WASF1: variants seen among roughly 807,000 people sequenced by gnomAD.
WASF1 encodes the protein WASP family member 1.
In WASF1, 7 loss-of-function variants were observed where a neutral mutation model predicts 50.5. That is an observed-to-expected ratio of 0.14 (90% CI 0.08 to 0.26). The LOEUF is 0.26. Ranked by LOEUF, WASF1 falls within the 10% of genes least tolerant of loss-of-function variation. The pLI, the probability that WASF1 is intolerant of heterozygous loss-of-function variation, is 1.00. For synonymous variants in WASF1, 205 were observed against 244.0 expected, an observed-to-expected ratio of 0.84 and a Z score of 1.49; for missense variants, 470 against 694.7, an observed-to-expected ratio of 0.68 and a Z score of 3.64.
chr6:110,149,203 T>TC (rs746336283), intron 3 of WASF1, among the ~76,000 whole-genome samples: 25 of 152,210 alleles, frequency 1.6e-4, no homozygotes, highest in South Asian at 1.2e-3. Flanking sequence ...TTCCTTTTTT[T>TC]CCCCCTTTCA....
chr6:110,128,788 G>A (rs74375333), intron 3 of WASF1, among the ~76,000 whole-genome samples: 11,109 of 152,206 alleles, frequency 0.073, 551 homozygotes, highest in African/African-American at 0.14. Flanking sequence ...GCAGGAGGTG[G>A]GCGGTAGGTG....
At chr6:110,111,310 AG>A (rs567378744) in intron 5 of WASF1, among the ~76,000 whole-genome samples, 1 of 152,158 alleles carries the variant, frequency 6.6e-6, no homozygotes, top group Non-Finnish European at 1.5e-5. Flanking sequence ...TTTTATTTCA[AG>A]AATTCCATGA....
At chr6:110,124,715 T>G (rs1301582006) in intron 4 of WASF1, among the ~76,000 whole-genome samples, 1 of 152,136 alleles carries the variant, frequency 6.6e-6, no homozygotes, top group Non-Finnish European at 1.5e-5. Flanking sequence ...AAGGCCAGCC[T>G]GGCCAACATG....
In WASF1 at chr6:110,108,579, G is replaced by A. The variant is rs772867615; in HGVS notation, c.371C>T (p.Thr124Met). The A allele has an allele frequency of 8.7e-6, 14 of 1,614,006 alleles. No individual in the cohort carries two copies. The highest frequency in any genetic ancestry group is 3.3e-5 in the Admixed American group (2 of 60,018). ...RKTLPIPLQE[T>M]YDVCEQPPPL... ...TGGAGGCTGTTCACAAACATCGTACGTCTCCTGTAATGGAATAGGCAAAGT... is the reference window on the plus strand; with the variant it reads ...TGGAGGCTGTTCACAAACATCGTACATCTCCTGTAATGGAATAGGCAAAGT... The change falls in exon 6 of 11, where the codon ACG (threonine) becomes ATG (methionine). Residue 124 changes from threonine to methionine, a missense_variant. Coordinates refer to ENST00000392589, the MANE Select transcript of WASF1 (RefSeq NM_003931.3).
At chr6:110,152,727 T>TA (rs1223571440) in intron 3 of WASF1, among the ~76,000 whole-genome samples, 1 of 152,222 alleles carries the variant, frequency 6.6e-6, no homozygotes, top group African/African-American at 2.4e-5. Context: ...GACTATAAGA[T>TA]AATTACTAGA....
chr6:110,164,016 G>A (rs977608928), intron 2 of WASF1, among the ~76,000 whole-genome samples: 3 of 151,506 alleles, frequency 2.0e-5, no homozygotes, highest in Non-Finnish European at 4.4e-5. Flanking sequence ...GCAAAAAACT[G>A]AATCTAGACA....
chr6:110,168,193 G>A (rs757836430), intron 2 of WASF1, among the ~76,000 whole-genome samples: 1 of 151,976 alleles, frequency 6.6e-6, no homozygotes, highest in African/African-American at 2.4e-5. Context: ...AATTAAAATT[G>A]TTGAGGAACT....
chr6:110,132,960 G>GTA (rs1399605339), intron 3 of WASF1, among the ~76,000 whole-genome samples: 9 of 112,580 alleles, frequency 8.0e-5, no homozygotes, highest in African/African-American at 3.2e-4. Flanking sequence ...ATTCCATGGT[G>GTA]TATACACACA....
chr6:110,168,359 A>G (rs1474195509), intron 2 of WASF1, among the ~76,000 whole-genome samples: 4 of 152,096 alleles, frequency 2.6e-5, no homozygotes, highest in Admixed American at 2.6e-4. Context: ...CTGTATGTAC[A>G]AATCCTCTGA....
At chr6:110,142,308 A>C (rs17543938) in intron 3 of WASF1, among the ~76,000 whole-genome samples, 6,792 of 150,930 alleles carry the variant, frequency 0.045, 183 homozygotes, top group African/African-American at 0.073. Flanking sequence ...AAATCGCAAA[A>C]GAAAAATGGC....
intron 6 of WASF1, 35 bp from the exon 7 acceptor site, chr6:110,107,229 G>A (rs1437797697): frequency 7.4e-7 from 1 of 1,344,280 alleles, no homozygotes; most frequent in Non-Finnish European, 1.0e-6. Flanking sequence ...ACACACATTA[G>A]TAAGACTTAG....
chr6:110,141,877 T>C (rs111715187), intron 3 of WASF1, among the ~76,000 whole-genome samples: 2,609 of 152,094 alleles, frequency 0.017, 74 homozygotes, highest in African/African-American at 0.058. Context: ...GTTCAAGCGA[T>C]TCTCCTGCCT....
chr6:110,131,432 T>A (rs560348883), intron 3 of WASF1, among the ~76,000 whole-genome samples: 7 of 152,322 alleles, frequency 4.6e-5, no homozygotes, highest in Admixed American at 1.3e-4. Context: ...AAATCAAGTT[T>A]CTATGTATTT....
Position 110,104,813 on chromosome 6 carries a change from T to G in WASF1, c.713+594A>C, listed in dbSNP as rs541887960. ...CAAAACAAACAAACAAACGTATGAC[T>G]ATACCCAAATAAGTGTCTTCGTAGA... On this transcript the variant is annotated intron_variant, in intron 8 of 10. Coordinates refer to ENST00000392589, the MANE Select transcript of WASF1 (RefSeq NM_003931.3). Among the ~76,000 whole-genome samples the G allele has an allele frequency of 1.1e-4, 17 of 152,268 alleles. No individual in the cohort carries two copies. In the South Asian group the frequency reaches 3.3e-3, roughly 30 times the overall value.
In WASF1 at chr6:110,124,220, CTCTCT is replaced by C. The variant is rs529349728; in HGVS notation, c.133+3244_133+3248del. On this transcript the variant is annotated intron_variant, in intron 4 of 10. Coordinates refer to ENST00000392589, the MANE Select transcript of WASF1 (RefSeq NM_003931.3). ...CTCTCTCTCTCTCTCTCTCTCTCCT[CTCTCT>C]CCTCTCTCTCCTCTCTCTCTCTCTC... 2.0e-3 allele frequency among the ~76,000 whole-genome samples: 148 copies of C among 72,594 alleles called. 11 individuals carry two copies. The highest frequency in any genetic ancestry group is 0.013 in the African/African-American group (145 of 11,236). 47.6% of individuals were successfully genotyped at this position (72,594 alleles called of 152,430 possible).
intron 2 of WASF1, among the ~76,000 whole-genome samples, chr6:110,172,911 A>C (rs1473502929): frequency 6.6e-6 from 1 of 152,106 alleles, no homozygotes; most frequent in East Asian, 1.9e-4. Flanking sequence ...GTACCCTCTA[A>C]ATCTATAAAA....
intron 2 of WASF1, among the ~76,000 whole-genome samples, chr6:110,175,994 T>C (rs1776911917): frequency 6.6e-6 from 1 of 152,154 alleles, no homozygotes; most frequent in Non-Finnish European, 1.5e-5. Context: ...AAATAGGCTT[T>C]AGTGGGCTGT....
intron 4 of WASF1, among the ~76,000 whole-genome samples, chr6:110,126,307 A>C (rs903866004): frequency 2.0e-5 from 3 of 152,134 alleles, no homozygotes; most frequent in African/African-American, 7.2e-5. Flanking sequence ...TTAGTGATTC[A>C]CTAACCTGAA....
chr6:110,124,274 C>CTCTCTATATATATA (rs1331534646), intron 4 of WASF1, among the ~76,000 whole-genome samples: 2 of 20,502 alleles, frequency 9.8e-5, no homozygotes, highest in African/African-American at 5.4e-4. Context: ...CTCTCTCTCT[C>CTCTCTATATATATA]TATATATATA....
Sources: gnomAD v4.1 joint callset for allele counts (sites outside exome capture counted in the v4.1 genomes callset) on GRCh38, gnomAD v4.1.1 for gene constraint, MANE v1.5 for transcripts, NCBI Gene and HGNC (gene_info 2026-07-23, HGNC 2026-07-21) for gene names.